Variants in G2E3 observed in about 807,000 individuals in gnomAD.
The protein encoded by G2E3 is G2/M phase-specific E3 ubiquitin-protein ligase.
In G2E3, 35 loss-of-function variants were observed where a neutral mutation model predicts 92.8. That is an observed-to-expected ratio of 0.38 (90% CI 0.29 to 0.50). The LOEUF is 0.50. Ranked by LOEUF, G2E3 falls within the 20% of genes least tolerant of loss-of-function variation. The probability of loss-of-function intolerance (pLI) is 0.94; values close to 1 mark genes in which losing one functional copy is unlikely to be tolerated. For missense variants in G2E3, 554 were observed against 823.8 expected, an observed-to-expected ratio of 0.67 and a Z score of 4.01; for synonymous variants, 242 against 272.4, an observed-to-expected ratio of 0.89 and a Z score of 1.10.
chr14:30,599,614 G>A (rs901361735), intron 8 of G2E3, among the ~76,000 whole-genome samples: 2 of 152,076 alleles, frequency 1.3e-5, no homozygotes, highest in African/African-American at 4.8e-5. Context: ...TATGAAGTGG[G>A]GAGAGACACA....
intron 1 of G2E3, among the ~76,000 whole-genome samples, chr14:30,567,684 G>A (rs1724181856): frequency 6.6e-6 from 1 of 151,552 alleles, no homozygotes. Flanking sequence ...CTAGCTTTGG[G>A]TTTAGTTTGG....
intron 3 of G2E3, 57 bp downstream of exon 3, chr14:30,586,872 G>C: frequency 1.8e-6 from 1 of 551,034 alleles, no homozygotes; most frequent in Non-Finnish European, 3.2e-6. Flanking sequence ...AAGATAGTAA[G>C]ATTCTGACAC....
At position 30,620,031 on chromosome 14, in the gene G2E3, A is replaced by G. The variant is rs1490772412; in HGVS notation, c.*3497A>G. ...AAAACTATGTATCCTCTAATGTAAA[A>G]TAGCTTACCAGAATAAATTATTTAA... On this transcript the variant is annotated 3_prime_UTR_variant, in exon 15 of 15. Transcript: ENST00000206595. 14 of 152,212 alleles carry G rather than the reference A, an allele frequency of 9.2e-5. No individual in the cohort carries two copies. Among genetic ancestry groups the G allele is most frequent in the African/African-American group, 2.9e-4 (12 of 41,472 alleles). The allele number at this position is 152,212 out of a possible 1,614,324, so 9.4% of individuals were successfully genotyped here.
intron 2 of G2E3, among the ~76,000 whole-genome samples, chr14:30,581,785 C>T (rs1160216210): frequency 1.3e-5 from 2 of 152,076 alleles, no homozygotes; most frequent in East Asian, 1.9e-4. Context: ...AGATGCGGTC[C>T]GTTTTGACCT....
At chr14:30,589,340 T>C (rs1880883939) in intron 3 of G2E3, 43 bp from the exon 4 acceptor site, 2 of 1,099,764 alleles carry the variant, frequency 1.8e-6, no homozygotes, top group East Asian at 4.7e-5. Context: ...AATGCCCAAC[T>C]AGTTTCTTAG....
intron 13 of G2E3, among the ~76,000 whole-genome samples, chr14:30,613,902 C>T (rs1271003708): frequency 6.6e-6 from 1 of 152,002 alleles, no homozygotes; most frequent in Non-Finnish European, 1.5e-5. Context: ...AACCAATAGT[C>T]TCAGAATAAC....
At chr14:30,580,426 G>A (rs567834683) in intron 1 of G2E3, among the ~76,000 whole-genome samples, 293 of 152,090 alleles carry the variant, frequency 1.9e-3, no homozygotes, top group Non-Finnish European at 3.6e-3. Flanking sequence ...GGCTGGTCTC[G>A]AACTCCTGAC....
At chr14:30,608,296 A>G (rs932755806) in intron 12 of G2E3, among the ~76,000 whole-genome samples, 4 of 152,206 alleles carry the variant, frequency 2.6e-5, no homozygotes, top group African/African-American at 9.6e-5. Flanking sequence ...CCAGTTGGAT[A>G]ATGTGATTTT....
chr14:30,578,281 A>G (rs765501357), intron 1 of G2E3, among the ~76,000 whole-genome samples: 2 of 152,222 alleles, frequency 1.3e-5, no homozygotes, highest in Non-Finnish European at 2.9e-5. Flanking sequence ...TGATACTGCT[A>G]TAATTTCAAG....
chr14:30,562,520 T>C (rs1171334350), intron 1 of G2E3, among the ~76,000 whole-genome samples: 1 of 152,144 alleles, frequency 6.6e-6, no homozygotes, highest in Non-Finnish European at 1.5e-5. Context: ...AAGACGCCCG[T>C]TGCCAAGAGG....
rs150300249 is a variant in G2E3, at chr14:30,573,164, T to C, written c.-4-7912T>C. Among the ~76,000 whole-genome samples the C allele has an allele frequency of 4.6e-5, 7 of 152,270 alleles. No individual in the cohort carries two copies. In the East Asian group the frequency reaches 1.3e-3, roughly 29 times the overall value. On this transcript the variant is annotated intron_variant, in intron 1 of 14. Transcript: ENST00000206595. ...TACATTTTTAAGATATGTTTATTAT[T>C]TCCTAGAATGTAAATAATTGATTCA...
chr14:30,579,569 A>G (rs229196), intron 1 of G2E3, among the ~76,000 whole-genome samples: 1,714 of 152,264 alleles, frequency 0.011, 30 homozygotes, highest in African/African-American at 0.039. Context: ...TGTGTCCTAC[A>G]TTTTGTGGTG....
chr14:30,601,638 TCTTC>T (rs1881571725), intron 8 of G2E3, 128 bp from the exon 9 acceptor site: 1 of 810,510 alleles, frequency 1.2e-6, no homozygotes, highest in Admixed American at 2.4e-5. Flanking sequence ...ATAATCTTTT[TCTTC>T]CTTTAGTAAA....
At chr14:30,590,259 A>T (rs932183165) in intron 4 of G2E3, among the ~76,000 whole-genome samples, 4 of 152,274 alleles carry the variant, frequency 2.6e-5, no homozygotes, top group South Asian at 4.1e-4. Flanking sequence ...AATGAAGGAC[A>T]CTGACACATT....
At position 30,593,571 on chromosome 14, in the gene G2E3, A is replaced by G. The variant is rs1245357644; in HGVS notation, c.460A>G (p.Ile154Val). ...CTICLEFIEP[I>V]PSYNILRSPC... ...CATTTGCTTGGAATTTATTGAGCCT[A>G]TTCCAAGTTATAACATATTACGAAG... The change falls in exon 6 of 15, where the codon ATT (isoleucine) becomes GTT (valine). Residue 154 changes from isoleucine to valine, a missense_variant. Coordinates refer to ENST00000206595, the MANE Select transcript of G2E3 (RefSeq NM_017769.5). The G allele has an allele frequency of 1.2e-6, 2 of 1,601,758 alleles. No homozygotes were observed. Among genetic ancestry groups the G allele is most frequent in the Admixed American group, 1.7e-5 (1 of 59,940 alleles).
chr14:30,599,465 G>T (rs191613666), intron 8 of G2E3, among the ~76,000 whole-genome samples: 111 of 152,248 alleles, frequency 7.3e-4, no homozygotes, highest in Middle Eastern at 6.8e-3. Flanking sequence ...CTGACCTCGT[G>T]ATCTGCCCGC....
At chr14:30,596,171 G>T in intron 6 of G2E3, among the ~76,000 whole-genome samples, 1 of 146,892 alleles carries the variant, frequency 6.8e-6, no homozygotes, top group Admixed American at 6.8e-5. Context: ...TGTGTCACTT[G>T]CTAATTGTCT....
intron 1 of G2E3, among the ~76,000 whole-genome samples, chr14:30,571,622 C>G (rs8004508): frequency 0.065 from 9,856 of 151,988 alleles, 1,047 homozygotes; most frequent in African/African-American, 0.22. Flanking sequence ...TTCTTCCCCC[C>G]ACCCTCCGCC....
chr14:30,578,179 A>C (rs1206724896), intron 1 of G2E3, among the ~76,000 whole-genome samples: 1 of 152,154 alleles, frequency 6.6e-6, no homozygotes, highest in Admixed American at 6.5e-5. Flanking sequence ...CAAAAGTTAT[A>C]CTCCACATGC....
Sources: allele counts gnomAD v4.1 joint callset (sites outside exome capture counted in the v4.1 genomes callset), GRCh38; gene constraint gnomAD v4.1.1; transcripts MANE v1.5; gene names NCBI Gene and HGNC (gene_info 2026-07-23, HGNC 2026-07-21).